The following RALGPS2 variants were observed in gnomAD, a reference collection of about 807,000 sequenced individuals.
The protein encoded by RALGPS2 is ras-specific guanine nucleotide-releasing factor RalGPS2.
In RALGPS2, 43 loss-of-function variants were observed where a neutral mutation model predicts 86.8. The ratio of observed to expected loss-of-function variants is 0.50; its 90% confidence interval spans 0.39 to 0.64. The LOEUF (loss-of-function observed/expected upper bound fraction) is 0.64, where lower values mean the gene tolerates loss of function less well. Among genes scored for constraint, RALGPS2 ranks in the 30% least tolerant of loss-of-function variants. The probability of loss-of-function intolerance (pLI) is 0.00; values close to 1 mark genes in which losing one functional copy is unlikely to be tolerated. For synonymous variants in RALGPS2, 243 were observed against 231.3 expected, an observed-to-expected ratio of 1.05 and a Z score of -0.46; for missense variants, 536 against 694.6, an observed-to-expected ratio of 0.77 and a Z score of 2.57.
At chr1:178,836,717 C>G (rs772938617) in intron 8 of RALGPS2, among the ~76,000 whole-genome samples, 2 of 152,208 alleles carry the variant, frequency 1.3e-5, no homozygotes, top group Non-Finnish European at 2.9e-5. Context: ...TGCTCTTACT[C>G]TACCTTTGTC....
chr1:178,858,726 A>G (rs1167015151), intron 8 of RALGPS2, among the ~76,000 whole-genome samples: 3 of 152,308 alleles, frequency 2.0e-5, no homozygotes, highest in South Asian at 2.1e-4. Context: ...ATTATTTCCC[A>G]AGGTGTATTT....
chr1:178,897,217 C>A (rs1177419748), intron 16 of RALGPS2, among the ~76,000 whole-genome samples: 3 of 151,988 alleles, frequency 2.0e-5, no homozygotes, highest in East Asian at 3.9e-4. Context: ...CAGAGAAATG[C>A]AAATCAAAAC....
chr1:178,824,136 C>G (rs1042928660), intron 7 of RALGPS2, among the ~76,000 whole-genome samples: 2 of 152,082 alleles, frequency 1.3e-5, no homozygotes, highest in African/African-American at 4.8e-5. Context: ...TTGAGATGAC[C>G]TGACAATTGG....
intron 8 of RALGPS2, among the ~76,000 whole-genome samples, chr1:178,855,830 TC>T (rs1466636052): frequency 6.6e-6 from 1 of 151,502 alleles, no homozygotes; most frequent in Non-Finnish European, 1.5e-5. Context: ...TAATTTCTTT[TC>T]TAACTAGACA....
At position 178,905,386 on chromosome 1, in the gene RALGPS2, C is replaced by T. The variant is rs146514502; in HGVS notation, c.1631-1390C>T. On this transcript the variant is annotated intron_variant, in intron 18 of 19. Transcript: ENST00000367635. ...GTCTATCTATACTAATGGTTTTTTG[C>T]GGGGGAGGGGTGAGTATGTAAATTG... 3.9e-4 allele frequency among the ~76,000 whole-genome samples: 60 copies of T among 151,988 alleles called. No homozygotes were observed. In the Middle Eastern group the frequency reaches 0.01, roughly 26 times the overall value.
chr1:178,770,372 A>G (rs988020156), intron 1 of RALGPS2, among the ~76,000 whole-genome samples: 14 of 152,090 alleles, frequency 9.2e-5, no homozygotes, highest in African/African-American at 3.4e-4. Context: ...TGGCTGATGC[A>G]TGCTAAAAGC....
intron 8 of RALGPS2, among the ~76,000 whole-genome samples, chr1:178,845,940 A>G (rs1486150348): frequency 6.6e-6 from 1 of 152,194 alleles, no homozygotes; most frequent in Non-Finnish European, 1.5e-5. Flanking sequence ...TGTCCTTATC[A>G]TAGTTAATGA....
intron 2 of RALGPS2, among the ~76,000 whole-genome samples, chr1:178,778,977 A>G (rs1015896817): frequency 2.0e-5 from 3 of 152,200 alleles, no homozygotes; most frequent in Admixed American, 6.5e-5. Context: ...AAAACTCTTT[A>G]TTTTTAAAAG....
Position 178,734,058 on chromosome 1 carries a change from G to C in RALGPS2, c.-84+8639G>C, listed in dbSNP as rs538685021. On this transcript the variant is annotated intron_variant, in intron 1 of 19. Transcript: ENST00000367635. Reference sequence around the variant, plus strand: ...ACTCAATTTAAAAACAGGCAAAGGAGCTGAATAGAAATTTCTCAAAGATAA... The same window carrying C: ...ACTCAATTTAAAAACAGGCAAAGGACCTGAATAGAAATTTCTCAAAGATAA... Among the ~76,000 whole-genome samples, 4 of 152,276 alleles carry C rather than the reference G, an allele frequency of 2.6e-5. No individual in the cohort carries two copies. The South Asian group carries it at 8.3e-4, about 32-fold the overall frequency.
intron 1 of RALGPS2, among the ~76,000 whole-genome samples, chr1:178,767,517 T>TTTATTGGATGTTCTGATCCATGGGGC (rs1305725748): frequency 6.6e-6 from 1 of 152,100 alleles, no homozygotes; most frequent in African/African-American, 2.4e-5. Flanking sequence ...CTGCATTTCT[T>TTTATTGGATGTTCTGATCCATGGGGC]TTATTGGATG....
At chr1:178,850,531 T>C (rs1291185856) in intron 8 of RALGPS2, 1 of 152,078 alleles carries the variant, frequency 6.6e-6, no homozygotes, top group African/African-American at 2.4e-5. Flanking sequence ...AAAAATGATA[T>C]GTATTTAATA....
rs1160862800 is a variant in RALGPS2, at chr1:178,921,016, AT to A, written c.*4658del. ...TTTTTCAGTGAAAGCAAAGTTGGAA[AT>A]ATTTTGCTTCTCTCAGATTATTGGA... On this transcript the variant is annotated 3_prime_UTR_variant, in exon 20 of 20. Transcript: ENST00000367635. 1 of 152,092 alleles carries A rather than the reference AT, an allele frequency of 6.6e-6. No homozygotes were observed. The highest frequency in any genetic ancestry group is 2.4e-5 in the African/African-American group (1 of 41,454). The allele number at this position is 152,092 out of a possible 1,614,324, so 9.4% of individuals were successfully genotyped here.
intron 1 of RALGPS2, among the ~76,000 whole-genome samples, chr1:178,750,239 A>G (rs923938551): frequency 3.3e-4 from 51 of 152,376 alleles, no homozygotes; most frequent in African/African-American, 1.2e-3. Context: ...CAGGCCATGC[A>G]AGTCTCTGTT....
chr1:178,730,641 T>C (rs1412869303), intron 1 of RALGPS2, among the ~76,000 whole-genome samples: 1 of 152,028 alleles, frequency 6.6e-6, no homozygotes, highest in Non-Finnish European at 1.5e-5. Flanking sequence ...GCCTTCCACT[T>C]ATGCTGTGTA....
intron 10 of RALGPS2, chr1:178,879,290 G>C: frequency 4.6e-6 from 1 of 216,410 alleles, no homozygotes; most frequent in Non-Finnish European, 8.8e-6. Flanking sequence ...AATCCTTATA[G>C]AATTTGTCTT....
At chr1:178,797,725 ATTT>A (rs1468209741) in intron 4 of RALGPS2, among the ~76,000 whole-genome samples, 3 of 152,106 alleles carry the variant, frequency 2.0e-5, no homozygotes, top group African/African-American at 7.2e-5. Flanking sequence ...TAAATCTGTG[ATTT>A]TTGTCATATA....
intron 1 of RALGPS2, among the ~76,000 whole-genome samples, chr1:178,769,169 C>T (rs983364426): frequency 6.6e-6 from 1 of 152,128 alleles, no homozygotes; most frequent in Non-Finnish European, 1.5e-5. Flanking sequence ...CAGAGAGGCC[C>T]TGCTGCACCA....
chr1:178,816,947 A>T (rs1053935607), intron 6 of RALGPS2, among the ~76,000 whole-genome samples: 1 of 151,786 alleles, frequency 6.6e-6, no homozygotes, highest in East Asian at 1.9e-4. Flanking sequence ...GACTCAGGTG[A>T]TCCACCCACC....
At chr1:178,807,298 A>C (rs921066272) in intron 4 of RALGPS2, among the ~76,000 whole-genome samples, 1 of 152,154 alleles carries the variant, frequency 6.6e-6, no homozygotes, top group Non-Finnish European at 1.5e-5. Context: ...CCCTACCAGT[A>C]TACTCCAGCC....
Sources: allele counts gnomAD v4.1 joint callset (sites outside exome capture counted in the v4.1 genomes callset), GRCh38; gene constraint gnomAD v4.1.1; transcripts MANE v1.5; gene names NCBI Gene and HGNC (gene_info 2026-07-23, HGNC 2026-07-21).